Variants in INSYN2B observed in about 807,000 individuals in gnomAD.
INSYN2B encodes the protein inhibitory synaptic factor family member 2B.
Under a neutral mutation model 41.2 loss-of-function variants are expected in INSYN2B, and 16 were observed. The observed-to-expected ratio is 0.39, with a 90% CI of 0.26 to 0.59. The LOEUF is 0.59. INSYN2B is among the 20% of genes least tolerant of loss of function. INSYN2B has a pLI of 0.57. For synonymous variants in INSYN2B, 245 were observed against 244.4 expected (o/e 1.00, Z -0.02); for missense variants, 608 against 646.4 (o/e 0.94, Z 0.64).
intron 1 of INSYN2B, among the ~76,000 whole-genome samples, chr5:169,972,455 C>A (rs942006788): frequency 2.8e-4 from 42 of 148,672 alleles, no homozygotes; most frequent in African/African-American, 8.1e-4. Context: ...TCAGTAGCAA[C>A]CTCTCCATCA....
chr5:169,869,748 A>G (rs1771832559), intron 3 of INSYN2B, among the ~76,000 whole-genome samples: 2 of 152,244 alleles, frequency 1.3e-5, no homozygotes, highest in Admixed American at 6.5e-5. Flanking sequence ...GTTTGCAGAC[A>G]GTGGGAGAGA....
intron 1 of INSYN2B, among the ~76,000 whole-genome samples, chr5:169,949,160 T>A (rs1302823431): frequency 6.6e-6 from 1 of 152,240 alleles, no homozygotes; most frequent in African/African-American, 2.4e-5. Flanking sequence ...AGTCGAAGAC[T>A]GTTCCATTTA....
At chr5:169,933,108 C>T (rs1052559197) in intron 1 of INSYN2B, among the ~76,000 whole-genome samples, 4 of 152,188 alleles carry the variant, frequency 2.6e-5, no homozygotes, top group East Asian at 3.8e-4. Context: ...CCCTTACTCC[C>T]GACCCTCTCA....
intron 1 of INSYN2B, among the ~76,000 whole-genome samples, chr5:169,905,422 T>C (rs1467503674): frequency 6.6e-6 from 1 of 152,100 alleles, no homozygotes; most frequent in Non-Finnish European, 1.5e-5. Context: ...CAGCTGCCCC[T>C]TGGCAACCTC....
chr5:169,948,429 C>T (rs1489924968), intron 1 of INSYN2B, among the ~76,000 whole-genome samples: 2 of 152,024 alleles, frequency 1.3e-5, no homozygotes, highest in East Asian at 3.9e-4. Flanking sequence ...TCCATCCCTC[C>T]CTTTCTCTGT....
At chr5:169,919,260 G>A (rs1280115127) in intron 1 of INSYN2B, among the ~76,000 whole-genome samples, 1 of 152,180 alleles carries the variant, frequency 6.6e-6, no homozygotes, top group Non-Finnish European at 1.5e-5. Context: ...TCGATATGGG[G>A]CAGAGGTGGG....
chr5:169,916,433 G>A (rs1774878942), intron 1 of INSYN2B, among the ~76,000 whole-genome samples: 1 of 152,134 alleles, frequency 6.6e-6, no homozygotes, highest in African/African-American at 2.4e-5. Context: ...CCTTGCCATG[G>A]GGACAAATGC....
intron 1 of INSYN2B, among the ~76,000 whole-genome samples, chr5:169,926,201 G>A (rs1196110264): frequency 6.6e-6 from 1 of 152,190 alleles, no homozygotes; most frequent in African/African-American, 2.4e-5. Context: ...GGTAGACGCA[G>A]GCCCAGTGCC....
At chr5:169,864,834 A>G (rs932902747) in intron 3 of INSYN2B, among the ~76,000 whole-genome samples, 5 of 152,210 alleles carry the variant, frequency 3.3e-5, no homozygotes, top group African/African-American at 1.2e-4. Context: ...AACAGACAAG[A>G]AAACTGACAG....
At chr5:169,917,428 T>A (rs551092400) in intron 1 of INSYN2B, among the ~76,000 whole-genome samples, 69 of 152,352 alleles carry the variant, frequency 4.5e-4, no homozygotes, top group African/African-American at 1.7e-3. Context: ...TTTCCTTTGG[T>A]GCAAAGTTTG....
At chr5:169,901,843 T>G (rs1773943430) in intron 1 of INSYN2B, among the ~76,000 whole-genome samples, 1 of 152,236 alleles carries the variant, frequency 6.6e-6, no homozygotes, top group Non-Finnish European at 1.5e-5. Flanking sequence ...GTTACCACCA[T>G]GTTTGCTTGC....
intron 3 of INSYN2B, among the ~76,000 whole-genome samples, chr5:169,868,517 G>C (rs1325620534): frequency 6.6e-6 from 1 of 152,148 alleles, no homozygotes; most frequent in Non-Finnish European, 1.5e-5. Flanking sequence ...CCAGCACTTC[G>C]AAAGACCCAG....
At position 169,863,913 on chromosome 5, in the gene INSYN2B, A is replaced by G. The variant is rs1771366042; in HGVS notation, c.*360T>C. Among the ~76,000 whole-genome samples the G allele has an allele frequency of 6.6e-6, 1 of 152,038 alleles. No homozygotes were observed. The highest frequency in any genetic ancestry group is 1.5e-5 in the Non-Finnish European group (1 of 68,022). ...TTTCTTTTGGGTTTATGAACCCAGG[A>G]TGGGAAGGAAGTGCTTGGCATCTTG... On this transcript the variant is annotated 3_prime_UTR_variant, in exon 4 of 4. Coordinates refer to ENST00000377365, the MANE Select transcript of INSYN2B (RefSeq NM_001129891.3).
rs1028164935 is a variant in INSYN2B, at chr5:169,862,438, T to C, written c.*1835A>G. ...AGAGGTCCCAAATGATTTCACTTTA[T>C]TGGATTATCCTCTATTCTGTTCTTT... On this transcript the variant is annotated 3_prime_UTR_variant, in exon 4 of 4. Transcript: ENST00000377365. Among the ~76,000 whole-genome samples, 1 of 152,252 alleles carries C rather than the reference T, an allele frequency of 6.6e-6. No homozygotes were observed. The highest frequency in any genetic ancestry group is 6.5e-5 in the Admixed American group (1 of 15,288).
At chr5:169,886,701 A>C (rs1772990744) in intron 1 of INSYN2B, among the ~76,000 whole-genome samples, 1 of 152,242 alleles carries the variant, frequency 6.6e-6, no homozygotes, top group Admixed American at 6.5e-5. Flanking sequence ...GCATGCTTAA[A>C]AACATGCAGT....
At chr5:169,923,267 G>A (rs1171583304) in intron 1 of INSYN2B, among the ~76,000 whole-genome samples, 3 of 152,068 alleles carry the variant, frequency 2.0e-5, no homozygotes, top group Non-Finnish European at 4.4e-5. Context: ...ATGTCTGGGT[G>A]GTAAGCTTAT....
chr5:169,915,034 C>T (rs1561819510), intron 1 of INSYN2B, among the ~76,000 whole-genome samples: 1 of 152,224 alleles, frequency 6.6e-6, no homozygotes, highest in Non-Finnish European at 1.5e-5. Context: ...ACAGTCAGTC[C>T]CTGGACAGCG....
intron 1 of INSYN2B, among the ~76,000 whole-genome samples, chr5:169,896,760 T>C (rs185121972): frequency 6.6e-6 from 1 of 152,354 alleles, no homozygotes; most frequent in Admixed American, 6.5e-5. Flanking sequence ...ATTTATGATA[T>C]AGTCCCTACC....
Position 169,883,387 on chromosome 5 carries a change from A to C in INSYN2B, c.512T>G (p.Leu171Arg). 6.4e-7 allele frequency: 1 copy of C among 1,551,644 alleles called. No homozygotes were observed. The highest frequency in any genetic ancestry group is 1.4e-5 in the African/African-American group (1 of 73,130). Residue 171 changes from leucine (L) to arginine (R), a missense_variant, in exon 2 of 4, where the codon CTC becomes CGC. By Grantham distance (102) the Leu-to-Arg change is moderately radical (BLOSUM62 -2). Transcript: ENST00000377365. The stretch of plus-strand genomic sequence containing the variant: ...GCTTTGCACCTTGGGGACCCTTGGG[A>C]GGAATGCATGGGACACCTTGACCCT... ...PRRVKVSHAF[L>R]PRVPKVQSNG...
Sources: gnomAD v4.1 joint callset for allele counts (sites outside exome capture counted in the v4.1 genomes callset) on GRCh38, gnomAD v4.1.1 for gene constraint, MANE v1.5 for transcripts, NCBI Gene and HGNC (gene_info 2026-07-23, HGNC 2026-07-21) for gene names.